LRRC37A: variants seen among roughly 807,000 people sequenced by gnomAD.
LRRC37A encodes leucine-rich repeat-containing protein 37A.
Under a neutral mutation model 35.4 loss-of-function variants are expected in LRRC37A, and 3 were observed. The observed-to-expected ratio is 0.08, with a 90% CI of 0.04 to 0.22. The LOEUF (loss-of-function observed/expected upper bound fraction) is 0.22. Ranked by LOEUF, LRRC37A falls within the 10% of genes least tolerant of loss-of-function variation. The pLI, the probability that LRRC37A is intolerant of heterozygous loss-of-function variation, is 1.00. For synonymous variants in LRRC37A, 23 were observed against 215.0 expected (o/e 0.11, Z 7.81); for missense variants, 67 against 565.3 (o/e 0.12, Z 8.94).
chr17:46,331,579 A>G, exon 9 of LRRC37A: 1 of 1,602,944 alleles, frequency 6.2e-7, no homozygotes, highest in Non-Finnish European at 8.5e-7. Flanking sequence ...CATTCAACTT[A>G]GGGCCAACTG....
At chr17:46,261,952 A>G in the LRRC37A span, among the ~76,000 whole-genome samples, 2 of 151,764 alleles carry the variant, frequency 1.3e-5, no homozygotes. Context: ...GACAATTATT[A>G]TTATTATTAT....
At chr17:46,272,844 T>A in the LRRC37A span, among the ~76,000 whole-genome samples, 2 of 152,280 alleles carry the variant, frequency 1.3e-5, no homozygotes, top group Non-Finnish European at 2.9e-5. Flanking sequence ...TAAATACACA[T>A]GAAATTAATA....
chr17:46,267,266 C>G, the LRRC37A span: 2 of 1,039,384 alleles, frequency 1.9e-6, no homozygotes, highest in Non-Finnish European at 2.7e-6. Context: ...TTGCTAAAAA[C>G]CAACGCCCAG....
the LRRC37A span, among the ~76,000 whole-genome samples, chr17:46,269,791 A>G: frequency 2.6e-5 from 4 of 152,234 alleles, no homozygotes; most frequent in Non-Finnish European, 5.9e-5. Context: ...TAAAGCAATA[A>G]ATCTTGCTTT....
upstream of LRRC37A, among the ~76,000 whole-genome samples, chr17:46,291,170 C>T (rs1157332155): frequency 6.6e-6 from 1 of 152,232 alleles, no homozygotes; most frequent in Non-Finnish European, 1.5e-5. Flanking sequence ...CCTTGAGTTT[C>T]ATTTCCTAGT....
chr17:46,253,310 A>G, the LRRC37A span, among the ~76,000 whole-genome samples: 1 of 145,492 alleles, frequency 6.9e-6, no homozygotes, highest in African/African-American at 2.6e-5. Context: ...CAGACTGGGC[A>G]GCCAGGCAGA....
Position 46,300,075 on chromosome 17 carries a change from C to T in LRRC37A, c.2681+210C>T, listed in dbSNP as rs1258658279. Among the ~76,000 whole-genome samples the T allele has an allele frequency of 3.3e-5, 2 of 60,718 alleles. 1 individual carries two copies. The highest frequency in any genetic ancestry group is 7.9e-5 in the African/African-American group (2 of 25,268). The allele number at this position is 60,718 out of a possible 152,430, so 39.8% of individuals were successfully genotyped here. On this transcript the variant is annotated intron_variant, in intron 2 of 13. Transcript: ENST00000320254. ...GAGGCAATTTAAATTTATTTTTTAT[C>T]ATACAAATAGTACATGGTTATATTC...
the LRRC37A span, among the ~76,000 whole-genome samples, chr17:46,277,807 T>C: frequency 0.11 from 16,348 of 148,186 alleles, no homozygotes; most frequent in Non-Finnish European, 0.17. Context: ...CCCTTACGCC[T>C]AGCTAATTTT....
chr17:46,256,428 CCAGAGAG>C, the LRRC37A span, among the ~76,000 whole-genome samples: 1 of 151,924 alleles, frequency 6.6e-6, no homozygotes, highest in South Asian at 2.1e-4. Flanking sequence ...AAAGAAGAGA[CCAGAGAG>C]CCTTTCTTCT....
the LRRC37A span, among the ~76,000 whole-genome samples, chr17:46,286,565 A>G: frequency 6.6e-6 from 1 of 152,238 alleles, no homozygotes; most frequent in Non-Finnish European, 1.5e-5. Context: ...AATCAAATCT[A>G]CCATTAAACC....
At chr17:46,292,328 T>C (rs2050095739), upstream of LRRC37A, among the ~76,000 whole-genome samples, 1 of 67,502 alleles carries the variant, frequency 1.5e-5, no homozygotes, top group Admixed American at 1.6e-4. Flanking sequence ...CAAGACACTC[T>C]CTCGAGGAAA....
upstream of LRRC37A, among the ~76,000 whole-genome samples, chr17:46,289,923 C>T (rs1466745698): frequency 6.6e-6 from 1 of 152,206 alleles, no homozygotes; most frequent in Non-Finnish European, 1.5e-5. Context: ...AGCTCAAGAG[C>T]AGCCTGGCCA....
the LRRC37A span, chr17:46,268,366 C>T: frequency 2.8e-6 from 2 of 710,636 alleles, no homozygotes; most frequent in East Asian, 4.7e-5. Flanking sequence ...TTCCACCTTG[C>T]CTGTAGACTA....
chr17:46,252,141 C>T, the LRRC37A span, among the ~76,000 whole-genome samples: 1 of 152,054 alleles, frequency 6.6e-6, no homozygotes, highest in East Asian at 1.9e-4. Flanking sequence ...ATAAAATTCT[C>T]TTTTTTATTT....
At chr17:46,292,557 C>T (rs1262231523), upstream of LRRC37A, among the ~76,000 whole-genome samples, 7 of 75,698 alleles carry the variant, frequency 9.2e-5, no homozygotes, top group African/African-American at 2.4e-4. Context: ...AGAGCAGAAC[C>T]GAGGATTGTA....
At chr17:46,260,148 C>T in the LRRC37A span, 48 of 1,007,132 alleles carry the variant, frequency 4.8e-5, 1 homozygote, top group Admixed American at 1.4e-3. Flanking sequence ...GCGCGGGCAG[C>T]AGCGCGGGCA....
chr17:46,267,195 G>C, the LRRC37A span: 1 of 616,720 alleles, frequency 1.6e-6, no homozygotes, highest in Non-Finnish European at 2.7e-6. Flanking sequence ...GCCTTTCCGA[G>C]TCCCGGAGAA....
chr17:46,277,853 G>A, the LRRC37A span, among the ~76,000 whole-genome samples: 1 of 151,856 alleles, frequency 6.6e-6, no homozygotes, highest in African/African-American at 2.4e-5. Context: ...TACCATATTG[G>A]CCAGGCTGGT....
the LRRC37A span, among the ~76,000 whole-genome samples, chr17:46,274,110 G>C: frequency 3.7e-4 from 57 of 152,338 alleles, no homozygotes; most frequent in African/African-American, 1.2e-3. Context: ...AGATTCTTTT[G>C]CCTTTCATGA....
Sources: gnomAD v4.1 joint callset for allele counts (sites outside exome capture counted in the v4.1 genomes callset) on GRCh38, gnomAD v4.1.1 for gene constraint, MANE v1.5 for transcripts, NCBI Gene and HGNC (gene_info 2026-07-23, HGNC 2026-07-21) for gene names.